Variants in LMX1B observed in about 807,000 individuals in gnomAD.
LMX1B encodes the protein LIM homeobox transcription factor 1-beta.
A neutral mutation model predicts 51.4 loss-of-function variants in LMX1B; 12 were observed. That is an observed-to-expected ratio of 0.23 (90% CI 0.15 to 0.38). The LOEUF (loss-of-function observed/expected upper bound fraction) is 0.38. Among genes scored for constraint, LMX1B ranks in the 10% least tolerant of loss-of-function variants. The pLI, the probability that LMX1B is intolerant of heterozygous loss-of-function variation, is 1.00. For missense variants in LMX1B, 445 were observed against 571.1 expected, an observed-to-expected ratio of 0.78 and a Z score of 2.25; for synonymous variants, 237 against 235.4, an observed-to-expected ratio of 1.01 and a Z score of -0.06.
chr9:126,624,130 T>A (rs1835474488), intron 2 of LMX1B, among the ~76,000 whole-genome samples: 1 of 152,222 alleles, frequency 6.6e-6, no homozygotes, highest in South Asian at 2.1e-4. Context: ...AGCTGATTTA[T>A]GGAGGAATTC....
intron 1 of LMX1B, among the ~76,000 whole-genome samples, chr9:126,614,844 TGTGGTAGGTGGCGGGTGGCAGGG>T (rs1243452784): frequency 2.0e-5 from 3 of 152,052 alleles, no homozygotes; most frequent in Non-Finnish European, 4.4e-5. Context: ...GCCACTCCGA[TGTGGTAGGTGGCGGGTGGCAGGG>T]GTGATGGAGG....
At chr9:126,620,183 T>C (rs1835380636) in intron 2 of LMX1B, among the ~76,000 whole-genome samples, 1 of 152,164 alleles carries the variant, frequency 6.6e-6, no homozygotes, top group Non-Finnish European at 1.5e-5. Context: ...AGCCTCTCCA[T>C]GCAGGGAGGA....
intron 2 of LMX1B, among the ~76,000 whole-genome samples, chr9:126,672,960 C>T (rs1276984871): frequency 6.6e-6 from 1 of 152,228 alleles, no homozygotes; most frequent in Non-Finnish European, 1.5e-5. Flanking sequence ...CAGAACGGTG[C>T]GCCTCTCGCC....
At chr9:126,689,425 G>T (rs993445267) in intron 2 of LMX1B, among the ~76,000 whole-genome samples, 1 of 152,282 alleles carries the variant, frequency 6.6e-6, no homozygotes, top group African/African-American at 2.4e-5. Flanking sequence ...CATAAAGAGG[G>T]ATGGGATGTG....
intron 2 of LMX1B, among the ~76,000 whole-genome samples, chr9:126,676,360 G>A (rs1158170056): frequency 6.6e-6 from 1 of 152,152 alleles, no homozygotes; most frequent in African/African-American, 2.4e-5. Flanking sequence ...CCCCAGGATG[G>A]GCTGTCTCCC....
At chr9:126,654,979 G>A (rs915062661) in intron 2 of LMX1B, among the ~76,000 whole-genome samples, 1 of 152,220 alleles carries the variant, frequency 6.6e-6, no homozygotes, top group Admixed American at 6.5e-5. Flanking sequence ...ATCCCCCACA[G>A]CTGTGACACC....
In LMX1B at chr9:126,615,615, G is replaced by A. The variant is rs780721300; in HGVS notation, c.326+46G>A. 1.2e-4 allele frequency: 183 copies of A among 1,541,324 alleles called. No individual in the cohort carries two copies. The highest frequency in any genetic ancestry group is 1.7e-4 in the Middle Eastern group (1 of 5,930). On this transcript the variant is annotated intron_variant, in intron 2 of 7. Coordinates refer to ENST00000373474, the MANE Select transcript of LMX1B (RefSeq NM_001174147.2). The surrounding 1 kb of genome is among the most constrained non-coding windows in gnomAD (Gnocchi z 6.0). ...TTCCCCGCCACCGCCCGGCACTCGA[G>A]CCCGGTCAGCCCCCTGCCGGGCCCG...
chr9:126,642,008 C>T (rs2118883020), intron 2 of LMX1B, among the ~76,000 whole-genome samples: 1 of 152,286 alleles, frequency 6.6e-6, no homozygotes, highest in South Asian at 2.1e-4. Context: ...AGATTCACAG[C>T]TTCCCCCAAC....
chr9:126,642,657 T>A (rs573676236), intron 2 of LMX1B, among the ~76,000 whole-genome samples: 1 of 152,338 alleles, frequency 6.6e-6, no homozygotes, highest in South Asian at 2.1e-4. Context: ...AGGGTGGGTC[T>A]CTACTGCCAT....
intron 2 of LMX1B, among the ~76,000 whole-genome samples, chr9:126,648,866 C>A (rs1046216629): frequency 5.3e-5 from 8 of 152,162 alleles, no homozygotes; most frequent in Admixed American, 5.2e-4. Context: ...TGGCTTGCAG[C>A]CTCCTCTGCA....
At chr9:126,616,902 CTCTT>C (rs1211358848) in intron 2 of LMX1B, among the ~76,000 whole-genome samples, 1 of 152,194 alleles carries the variant, frequency 6.6e-6, no homozygotes, top group Non-Finnish European at 1.5e-5. Context: ...TTGCACCTAG[CTCTT>C]TCTTCCGGCT....
At chr9:126,656,034 A>G (rs1328464891) in intron 2 of LMX1B, among the ~76,000 whole-genome samples, 1 of 152,204 alleles carries the variant, frequency 6.6e-6, no homozygotes, top group Non-Finnish European at 1.5e-5. Flanking sequence ...GCCAATCTCC[A>G]CTGAAGTAGA....
Position 126,615,474 on chromosome 9 carries a change from C to G in LMX1B, c.231C>G (p.His77Gln). ...TGCGAGTCAACGAGTCGTCCTGGCA[C>G]GAGGAGTGTTTGCAGTGCGCGGCGT... ...FLMRVNESSW[H>Q]EECLQCAACQ... The change falls in exon 2 of 8, where the codon CAC (histidine) becomes CAG (glutamine). Residue 77 changes from histidine to glutamine, a missense_variant. Around this residue, in one of 3 missense-constraint regions of LMX1B, gnomAD observed 273 missense variants for 343.3 expected, o/e 0.80. Coordinates refer to ENST00000373474, the MANE Select transcript of LMX1B (RefSeq NM_001174147.2). This position sits in a 1 kb window ranked among gnomAD's most constrained non-coding sequence, Gnocchi z 6.0. 6.2e-7 allele frequency: 1 copy of G among 1,611,008 alleles called. No individual in the cohort carries two copies. Among genetic ancestry groups the G allele is most frequent in the Non-Finnish European group, 8.5e-7 (1 of 1,178,580 alleles).
intron 2 of LMX1B, among the ~76,000 whole-genome samples, chr9:126,660,530 C>T (rs1836224767): frequency 6.6e-6 from 1 of 152,214 alleles, no homozygotes; most frequent in African/African-American, 2.4e-5. Flanking sequence ...GACACTTACC[C>T]TCTTTGTGCC....
At chr9:126,619,001 G>C (rs1196133474) in intron 2 of LMX1B, among the ~76,000 whole-genome samples, 1 of 152,058 alleles carries the variant, frequency 6.6e-6, no homozygotes, top group Non-Finnish European at 1.5e-5. Flanking sequence ...GGGCCTGCCC[G>C]GGCGGCCGAG....
chr9:126,653,088 C>G (rs181173090), intron 2 of LMX1B, among the ~76,000 whole-genome samples: 2 of 151,494 alleles, frequency 1.3e-5, no homozygotes, highest in African/African-American at 2.4e-5. Context: ...CACATCCCCC[C>G]ATCCCAAACC....
chr9:126,662,541 G>A (rs1836265464), intron 2 of LMX1B, among the ~76,000 whole-genome samples: 1 of 152,192 alleles, frequency 6.6e-6, no homozygotes, highest in African/African-American at 2.4e-5. Context: ...TGAGAATTCT[G>A]CAGAACCAGT....
chr9:126,670,926 G>A (rs117166072), intron 2 of LMX1B, among the ~76,000 whole-genome samples: 2,615 of 152,344 alleles, frequency 0.017, 30 homozygotes, highest in Non-Finnish European at 0.026. Context: ...TATCATGGGT[G>A]TGGGTATAGC....
At chr9:126,682,387 C>T (rs1031841730) in intron 2 of LMX1B, among the ~76,000 whole-genome samples, 2 of 152,166 alleles carry the variant, frequency 1.3e-5, no homozygotes, top group African/African-American at 4.8e-5. Flanking sequence ...TGTCTTCACT[C>T]TTCTTTGCCT....
Sources: allele counts gnomAD v4.1 joint callset (sites outside exome capture counted in the v4.1 genomes callset), GRCh38; gene constraint gnomAD v4.1.1; regional missense constraint gnomAD v4.1.1; non-coding constraint Gnocchi (gnomAD v3.1); transcripts MANE v1.5; gene names NCBI Gene and HGNC (gene_info 2026-07-23, HGNC 2026-07-21).